The following SH3PXD2A variants were observed in gnomAD, a reference collection of about 807,000 sequenced individuals.
SH3PXD2A encodes SH3 and PX domain-containing protein 2A.
In SH3PXD2A, 32 loss-of-function variants were observed where a neutral mutation model predicts 115.2. That is an observed-to-expected ratio of 0.28 (90% CI 0.21 to 0.37). The LOEUF (loss-of-function observed/expected upper bound fraction) is 0.37, where lower values mean the gene tolerates loss of function less well. SH3PXD2A is among the 10% of genes least tolerant of loss of function. The pLI is 1.00. For synonymous variants in SH3PXD2A, 610 were observed against 629.1 expected (o/e 0.97, Z 0.45); for missense variants, 1,328 against 1,498.7 (o/e 0.89, Z 1.88).
chr10:103,612,121 G>A (rs1307542857), intron 12 of SH3PXD2A, among the ~76,000 whole-genome samples: 2 of 152,224 alleles, frequency 1.3e-5, no homozygotes, highest in Non-Finnish European at 2.9e-5. Context: ...CTTTCCTCCA[G>A]ATTTTAAGAA....
Position 103,629,168 on chromosome 10 carries a change from G to A in SH3PXD2A, c.605-1966C>T, listed in dbSNP as rs147445567. On this transcript the variant is annotated intron_variant, in intron 8 of 14. Transcript: ENST00000369774. ...TTGGTCTGAGGCTGGAAGAGGGCAG[G>A]TGGGCATCATCGGCAGGCTGGATAG... is the stretch of plus-strand genomic sequence containing the variant. Among the ~76,000 whole-genome samples, 120 of 152,330 alleles carry A rather than the reference G, an allele frequency of 7.9e-4. 1 individual carries two copies. Among genetic ancestry groups the A allele is most frequent in the African/African-American group, 2.8e-3 (115 of 41,584 alleles).
intron 3 of SH3PXD2A, among the ~76,000 whole-genome samples, chr10:103,748,185 A>G (rs1447623691): frequency 6.6e-6 from 1 of 152,222 alleles, no homozygotes; most frequent in East Asian, 1.9e-4. Flanking sequence ...TCTGAGCTAC[A>G]TACTGGGTGC....
At chr10:103,622,374 G>T in intron 10 of SH3PXD2A, 96 bp downstream of exon 10, 1 of 786,206 alleles carries the variant, frequency 1.3e-6, no homozygotes, top group Non-Finnish European at 2.1e-6. Context: ...GAACAAGGAG[G>T]CCACAGGGCA....
Position 103,855,285 on chromosome 10 carries a change from TG to T in SH3PXD2A, c.-20del. ...CGAGCATCTTCCCCCACAAAGCGAG[TG>T]GCGCCCCCGGCGGCGTCACCTTCTC... is the stretch of plus-strand genomic sequence containing the variant. On this transcript the variant is annotated 5_prime_UTR_variant, in exon 1 of 15. Coordinates refer to ENST00000369774, the MANE Select transcript of SH3PXD2A (RefSeq NM_001394015.1). The T allele has an allele frequency of 6.7e-7, 1 of 1,501,812 alleles. No individual in the cohort carries two copies. Among genetic ancestry groups the T allele is most frequent in the Non-Finnish European group, 8.9e-7 (1 of 1,121,988 alleles). The allele number at this position is 1,501,812 out of a possible 1,614,324, so 93.0% of individuals were successfully genotyped here. A position where few individuals can be genotyped will look rare whatever the true frequency, so the allele number is the denominator to read the frequency against.
In SH3PXD2A at chr10:103,688,931, A is replaced by G. The variant is rs144959957; in HGVS notation, c.427+4097T>C. The stretch of plus-strand genomic sequence containing the variant: ...GCCCAGGCTGTAGTGCAGTGGCACA[A>G]TTATGCCTCACTGCAACCTCAAACT... On this transcript the variant is annotated intron_variant, in intron 6 of 14. Transcript: ENST00000369774. 1.1e-4 allele frequency among the ~76,000 whole-genome samples: 16 copies of G among 152,178 alleles called. No individual in the cohort carries two copies. The East Asian group carries it at 3.1e-3, about 29-fold the overall frequency.
chr10:103,611,903 T>A (rs2036434820), intron 12 of SH3PXD2A, among the ~76,000 whole-genome samples: 1 of 152,204 alleles, frequency 6.6e-6, no homozygotes, highest in South Asian at 2.1e-4. Context: ...TATGTGGGCA[T>A]TTTTCAGGGT....
intron 1 of SH3PXD2A, among the ~76,000 whole-genome samples, chr10:103,806,440 G>A (rs1447693731): frequency 6.6e-6 from 1 of 152,112 alleles, no homozygotes; most frequent in African/African-American, 2.4e-5. Flanking sequence ...GTCTCCCTGA[G>A]CTGGCCTTGC....
chr10:103,661,840 G>A, intron 7 of SH3PXD2A: 5 of 985,186 alleles, frequency 5.1e-6, no homozygotes, highest in Non-Finnish European at 6.0e-6. Flanking sequence ...AGGGGGAGGA[G>A]GCCTAGACTG....
intron 7 of SH3PXD2A, among the ~76,000 whole-genome samples, chr10:103,663,509 TCC>T (rs2037341556): frequency 6.6e-6 from 1 of 152,250 alleles, no homozygotes; most frequent in Admixed American, 6.5e-5. Context: ...AGCACAGTAA[TCC>T]TCAACTTGGA....
rs1176995870 is a variant in SH3PXD2A at position 103,803,149 on chromosome 10, T to C, written c.73-1787A>G. On this transcript the variant is annotated intron_variant, in intron 1 of 14. Transcript: ENST00000369774. Reference sequence around the variant, plus strand: ...ATGACACAGAGGCAGACTCATGCCATGGCGAGTTTTTTCTGAAACGCAACC... The same window carrying C: ...ATGACACAGAGGCAGACTCATGCCACGGCGAGTTTTTTCTGAAACGCAACC... Among the ~76,000 whole-genome samples, 5 of 152,124 alleles carry C rather than the reference T, an allele frequency of 3.3e-5. No homozygotes were observed. The East Asian group carries it at 9.6e-4, about 29-fold the overall frequency.
At chr10:103,718,316 C>A (rs1463908556) in intron 5 of SH3PXD2A, among the ~76,000 whole-genome samples, 1 of 152,178 alleles carries the variant, frequency 6.6e-6, no homozygotes. Context: ...CGCACGGGGC[C>A]AAGGGCATGT....
In SH3PXD2A at chr10:103,627,036, G is replaced by A. The variant is rs1303129377; in HGVS notation, c.718+53C>T. On this transcript the variant is annotated intron_variant, in intron 9 of 14. Transcript: ENST00000369774. The surrounding 1 kb of genome is among the most constrained non-coding windows in gnomAD (Gnocchi z 4.4). ...TTGGTTCTAGGGAAAGAGTGAGAGA[G>A]CTGCCTCCAGAGGCCGCGTTGCTCC... is the stretch of plus-strand genomic sequence containing the variant. The A allele has an allele frequency of 3.1e-6, 3 of 953,406 alleles. No homozygotes were observed. The highest frequency in any genetic ancestry group is 5.2e-6 in the Non-Finnish European group (3 of 581,268). The allele number at this position is 953,406 out of a possible 1,614,324, so 59.1% of individuals were successfully genotyped here.
At chr10:103,845,204 G>A (rs1259620654) in intron 1 of SH3PXD2A, among the ~76,000 whole-genome samples, 16 of 151,394 alleles carry the variant, frequency 1.1e-4, no homozygotes, top group Middle Eastern at 3.4e-3. Flanking sequence ...GGTGGTGTGC[G>A]CCTGTAATAC....
chr10:103,789,382 G>A (rs927731214), intron 2 of SH3PXD2A, among the ~76,000 whole-genome samples: 3 of 152,178 alleles, frequency 2.0e-5, no homozygotes, highest in African/African-American at 7.2e-5. Context: ...GGATGACTCT[G>A]GATTTTCCCC....
At chr10:103,626,255 C>A (rs1167223212) in intron 9 of SH3PXD2A, among the ~76,000 whole-genome samples, 2 of 152,384 alleles carry the variant, frequency 1.3e-5, no homozygotes, top group Admixed American at 1.3e-4. Flanking sequence ...TGGCACTTGG[C>A]GGCTGCTTAC....
chr10:103,748,271 G>C (rs1201390736), intron 3 of SH3PXD2A, among the ~76,000 whole-genome samples: 1 of 152,226 alleles, frequency 6.6e-6, no homozygotes, highest in African/African-American at 2.4e-5. Context: ...GTTGCAAAGC[G>C]AGGAAGTGGT....
chr10:103,735,701 G>GCCCCCC, intron 4 of SH3PXD2A, 31 bp downstream of exon 4: 1 of 1,278,294 alleles, frequency 7.8e-7, no homozygotes, highest in Non-Finnish European at 1.1e-6. Context: ...CCCTCCCCGA[G>GCCCCCC]CCCCTCCCCC....
intron 5 of SH3PXD2A, among the ~76,000 whole-genome samples, chr10:103,720,310 T>A (rs1269300748): frequency 6.6e-6 from 1 of 152,210 alleles, no homozygotes. Context: ...ATCAAAGGTG[T>A]CCATGAAGAA....
chr10:103,652,121 C>A (rs1241876024), intron 8 of SH3PXD2A, among the ~76,000 whole-genome samples: 1 of 152,248 alleles, frequency 6.6e-6, no homozygotes, highest in African/African-American at 2.4e-5. Flanking sequence ...GGCAAACGAA[C>A]TTTAGCCGGA....
Sources: allele counts gnomAD v4.1 joint callset (sites outside exome capture counted in the v4.1 genomes callset), GRCh38; gene constraint gnomAD v4.1.1; non-coding constraint Gnocchi (gnomAD v3.1); transcripts MANE v1.5; gene names NCBI Gene and HGNC (gene_info 2026-07-23, HGNC 2026-07-21).